The following GSE1 variants were observed in gnomAD, a reference collection of about 807,000 sequenced individuals.
GSE1 encodes Gse1 coiled-coil protein, also known as genetic suppressor element 1.
GSE1 carries 32 observed loss-of-function variants against 112.6 expected under a neutral mutation model. The ratio of observed to expected loss-of-function variants is 0.28; its 90% CI spans 0.21 to 0.38. The LOEUF (loss-of-function observed/expected upper bound fraction) is 0.38. Ranked by LOEUF, GSE1 falls within the 10% of genes least tolerant of loss-of-function variation. The pLI, the probability that GSE1 is intolerant of heterozygous loss-of-function variation, is 1.00. For synonymous variants in GSE1, 1,115 were observed against 735.6 expected, an observed-to-expected ratio of 1.52 and a Z score of -8.35; for missense variants, 2,348 against 1,699.2, an observed-to-expected ratio of 1.38 and a Z score of -6.71.
intron 2 of GSE1, among the ~76,000 whole-genome samples, chr16:85,417,629 C>A (rs953581954): frequency 1.3e-5 from 2 of 152,214 alleles, no homozygotes; most frequent in African/African-American, 4.8e-5. Flanking sequence ...GCTTTGGCTG[C>A]CAGATGTCCC....
At chr16:85,310,957 C>T (rs1005310287) in intron 1 of GSE1, among the ~76,000 whole-genome samples, 8 of 152,218 alleles carry the variant, frequency 5.3e-5, no homozygotes, top group Admixed American at 3.9e-4. Flanking sequence ...CAGGGCCCCC[C>T]GCCGCTCCGC....
intron 1 of GSE1, among the ~76,000 whole-genome samples, chr16:85,263,099 G>T (rs574636291): frequency 1.3e-5 from 2 of 152,198 alleles, no homozygotes; most frequent in African/African-American, 4.8e-5. Context: ...TTAGCGACGC[G>T]TAGTGATTAG....
chr16:85,462,468 G>C (rs1372238709), intron 2 of GSE1, among the ~76,000 whole-genome samples: 1 of 151,906 alleles, frequency 6.6e-6, no homozygotes, highest in East Asian at 2.0e-4. Flanking sequence ...CCAGTGCCCA[G>C]GTCTGGGGAG....
intron 4 of GSE1, 86 bp downstream of exon 4, chr16:85,654,536 G>A (rs1393686341): frequency 1.7e-5 from 20 of 1,173,826 alleles, no homozygotes; most frequent in South Asian, 1.4e-4. Context: ...CCTGCGGTCT[G>A]CACAGATGAG....
At chr16:85,171,696 G>A (rs2074361095) in exon 1 of GSE1, 1 of 985,672 alleles carries the variant, frequency 1.0e-6, no homozygotes, top group African/African-American at 1.7e-5. Context: ...ATGACGGACA[G>A]CAGCTGATCA....
intron 1 of GSE1, chr16:85,285,576 G>A (rs1002966400): frequency 2.6e-5 from 4 of 152,064 alleles, no homozygotes; most frequent in Non-Finnish European, 4.4e-5. Flanking sequence ...CAGCTACGTG[G>A]GAGGCTGAGG....
rs551440114 is a variant in GSE1 at position 85,662,951 on chromosome 16, T to G, written c.2261-30T>G. On this transcript the variant is annotated intron_variant, in intron 9 of 15. Coordinates refer to ENST00000253458, the MANE Select transcript of GSE1 (RefSeq NM_014615.5). ...CCACTGGACAGATGAAGGCTCTTTG[T>G]CTGGCTGAATACAACCATTTCTCCA... is the stretch of plus-strand genomic sequence containing the variant. The G allele has an allele frequency of 1.7e-4, 239 of 1,431,098 alleles. 2 individuals are homozygous for G. In the South Asian group the frequency reaches 2.5e-3, roughly 15 times the overall value. 88.6% of individuals were successfully genotyped at this position (1,431,098 alleles called of 1,614,324 possible).
At chr16:85,513,481 C>CT (rs1567550371) in intron 2 of GSE1, among the ~76,000 whole-genome samples, 2 of 152,108 alleles carry the variant, frequency 1.3e-5, no homozygotes, top group African/African-American at 4.8e-5. Flanking sequence ...CTCCTGCAGG[C>CT]TACCCCCCTC....
chr16:85,584,122 A>C (rs1287925988), intron 1 of GSE1, among the ~76,000 whole-genome samples: 1 of 152,176 alleles, frequency 6.6e-6, no homozygotes, highest in East Asian at 1.9e-4. Context: ...CAGCCCGCAG[A>C]CTGGCCTTGG....
chr16:85,473,548 C>T (rs559648900), intron 2 of GSE1, among the ~76,000 whole-genome samples: 6 of 152,332 alleles, frequency 3.9e-5, no homozygotes, highest in Admixed American at 6.5e-5. Flanking sequence ...CTGGCTGCCA[C>T]GGTCCTTGGC....
At position 85,668,132 on chromosome 16, in the gene GSE1, C is replaced by G. The variant is rs749363593; in HGVS notation, c.3131-8C>G. The G allele has an allele frequency of 6.4e-7, 1 of 1,559,326 alleles. No homozygotes were observed. Among genetic ancestry groups the G allele is most frequent in the East Asian group, 2.3e-5 (1 of 44,326 alleles). On this transcript the variant is annotated splice_polypyrimidine_tract_variant and splice_region_variant and intron_variant, in intron 13 of 15. Coordinates refer to ENST00000253458, the MANE Select transcript of GSE1 (RefSeq NM_014615.5). ...AACACACTGATGCAAGCCCTGTCCC[C>G]TCCACAGGGAGCGTGGCTGTGCTGT... is the stretch of plus-strand genomic sequence containing the variant.
At chr16:85,223,114 T>G (rs995680460) in intron 1 of GSE1, among the ~76,000 whole-genome samples, 1 of 152,144 alleles carries the variant, frequency 6.6e-6, no homozygotes, top group African/African-American at 2.4e-5. Flanking sequence ...ATTTGTCTTA[T>G]CTCAGGAAGA....
chr16:85,343,812 A>C lies in GSE1; in HGVS notation c.2284-13651A>C, dbSNP rs77252173. On this transcript the variant is annotated intron_variant, in intron 1 of 2. Transcript: ENST00000637419. ...GATGTCTCTTCAGCTCGGAACATCC[A>C]GCAGGCTCCCCTCTCACTGCGAATG... Among the ~76,000 whole-genome samples the C allele has an allele frequency of 2.8e-3, 420 of 152,322 alleles. 2 individuals are homozygous for C. Among genetic ancestry groups the C allele is most frequent in the African/African-American group, 9.4e-3 (390 of 41,570 alleles).
chr16:85,372,107 C>G (rs1446615469), intron 2 of GSE1, among the ~76,000 whole-genome samples: 1 of 152,310 alleles, frequency 6.6e-6, no homozygotes, highest in South Asian at 2.1e-4. Context: ...TCCCCTTCCT[C>G]CATCATGGCT....
rs536891641 is a variant in GSE1, at chr16:85,207,207, G to T, written c.2283+35400G>T. Among the ~76,000 whole-genome samples the T allele has an allele frequency of 2.5e-3, 386 of 152,296 alleles. 1 individual carries two copies. The highest frequency in any genetic ancestry group is 8.9e-3 in the African/African-American group (369 of 41,560). On this transcript the variant is annotated intron_variant, in intron 1 of 2. Transcript: ENST00000637419. ...CTGGGACCCCCCCGTCCTCCCAAGG[G>T]CACTGCTCCCCAGCAGAACCCCCAC...
At chr16:85,487,869 G>A (rs1028685105) in intron 2 of GSE1, among the ~76,000 whole-genome samples, 3 of 152,190 alleles carry the variant, frequency 2.0e-5, no homozygotes, top group African/African-American at 4.8e-5. Context: ...CCTCAAGGCC[G>A]TGGCTCCTGG....
intron 1 of GSE1, among the ~76,000 whole-genome samples, chr16:85,293,546 T>C (rs1376671581): frequency 2.0e-5 from 3 of 152,068 alleles, no homozygotes; most frequent in African/African-American, 4.8e-5. Context: ...TGAGATTCCA[T>C]TTCAAAAAAA....
chr16:85,209,504 C>T (rs1207967661), intron 1 of GSE1, among the ~76,000 whole-genome samples: 1 of 152,132 alleles, frequency 6.6e-6, no homozygotes, highest in Non-Finnish European at 1.5e-5. Context: ...GGACCACTGA[C>T]CCCTCCCACC....
intron 2 of GSE1, among the ~76,000 whole-genome samples, chr16:85,508,380 G>A (rs571457590): frequency 3.5e-4 from 53 of 152,280 alleles, no homozygotes; most frequent in African/African-American, 9.4e-4. Context: ...AGTGACATAC[G>A]CAGGTAGCTT....
Sources: allele counts gnomAD v4.1 joint callset (sites outside exome capture counted in the v4.1 genomes callset), GRCh38; gene constraint gnomAD v4.1.1; transcripts MANE v1.5; gene names NCBI Gene and HGNC (gene_info 2026-07-23, HGNC 2026-07-21).